The following DOCK3 variants were observed in gnomAD, a reference collection of about 807,000 sequenced individuals.
The protein encoded by DOCK3 is dedicator of cytokinesis 3, also known as dedicator of cytokinesis protein 3.
A neutral mutation model predicts 265.6 loss-of-function variants in DOCK3; 60 were observed. The ratio of observed to expected loss-of-function variants is 0.23; its 90% CI spans 0.18 to 0.28. The LOEUF is 0.28. Ranked by LOEUF, DOCK3 falls within the 10% of genes least tolerant of loss-of-function variation. The pLI is 1.00. For missense variants in DOCK3, 1,981 were observed against 2,594.3 expected (o/e 0.76, Z 5.14); for synonymous variants, 881 against 938.0 (o/e 0.94, Z 1.11).
chr3:50,760,654 G>C (rs1015901216), intron 1 of DOCK3, among the ~76,000 whole-genome samples: 1 of 152,132 alleles, frequency 6.6e-6, no homozygotes, highest in Non-Finnish European at 1.5e-5. Flanking sequence ...TTCAATTAAA[G>C]ATATTTTTAA....
intron 5 of DOCK3, among the ~76,000 whole-genome samples, chr3:50,961,470 AG>A (rs1432887745): frequency 1.3e-5 from 2 of 152,198 alleles, no homozygotes; most frequent in Non-Finnish European, 2.9e-5. Context: ...ACTTTTGAGT[AG>A]AGTCCTGAAG....
Position 51,181,149 on chromosome 3 carries a change from A to T in DOCK3, c.1037+20447A>T, listed in dbSNP as rs192985392. 3.3e-4 allele frequency among the ~76,000 whole-genome samples: 51 copies of T among 152,288 alleles called. 1 individual carries two copies. The highest frequency in any genetic ancestry group is 1.7e-3 in the East Asian group (9 of 5,190). On this transcript the variant is annotated intron_variant, in intron 12 of 52. Coordinates refer to ENST00000266037, the MANE Select transcript of DOCK3 (RefSeq NM_004947.5). ...AGAAGAAATAGCTTTAATTTTTTTT[A>T]AATTATACTTTAAGTTCTAGGGTAC...
intron 2 of DOCK3, among the ~76,000 whole-genome samples, chr3:50,826,992 G>C (rs553589007): frequency 6.6e-6 from 1 of 152,076 alleles, no homozygotes; most frequent in Non-Finnish European, 1.5e-5. Context: ...GTAAGGAGAC[G>C]GGCTTCCAGA....
At chr3:50,919,362 C>T (rs75767837) in intron 4 of DOCK3, among the ~76,000 whole-genome samples, 13,518 of 152,152 alleles carry the variant, frequency 0.089, 1,237 homozygotes, top group East Asian at 0.33. Flanking sequence ...GCCATTTTTA[C>T]GATATGATTC....
chr3:50,753,903 G>T (rs1311907483), intron 1 of DOCK3, among the ~76,000 whole-genome samples: 3 of 151,916 alleles, frequency 2.0e-5, no homozygotes, highest in Non-Finnish European at 2.9e-5. Flanking sequence ...AATGCTGCAG[G>T]CCAGCACTTT....
At chr3:50,977,745 A>G (rs1218024407) in intron 5 of DOCK3, among the ~76,000 whole-genome samples, 4 of 152,072 alleles carry the variant, frequency 2.6e-5, no homozygotes, top group South Asian at 4.1e-4. Flanking sequence ...GTGTTTTCCA[A>G]CTTGGTTCCA....
intron 27 of DOCK3, among the ~76,000 whole-genome samples, chr3:51,309,077 A>G (rs1474189119): frequency 6.6e-6 from 1 of 150,502 alleles, no homozygotes; most frequent in African/African-American, 2.5e-5. Context: ...GCGGGCGGGC[A>G]GAGACGCTCC....
chr3:50,998,404 G>A (rs2078356584), intron 5 of DOCK3, among the ~76,000 whole-genome samples: 1 of 152,138 alleles, frequency 6.6e-6, no homozygotes, highest in Non-Finnish European at 1.5e-5. Flanking sequence ...AAACTCTTCA[G>A]GTGATTCTGA....
chr3:50,921,575 T>C (rs1173166823), intron 4 of DOCK3, among the ~76,000 whole-genome samples: 1 of 152,216 alleles, frequency 6.6e-6, no homozygotes, highest in Non-Finnish European at 1.5e-5. Flanking sequence ...TCATTCTCCA[T>C]CCAGCTTTGT....
Position 51,073,937 on chromosome 3 carries a change from C to T in DOCK3, c.465-1419C>T, listed in dbSNP as rs144485782. On this transcript the variant is annotated intron_variant, in intron 6 of 52. Transcript: ENST00000266037. ...CAATCTTACTGCAATGTAATTTTATCAGATATTTTCCTATAAACAGGGTAT... is the reference window on the plus strand; with the variant it reads ...CAATCTTACTGCAATGTAATTTTATTAGATATTTTCCTATAAACAGGGTAT... Among the ~76,000 whole-genome samples the T allele has an allele frequency of 1.5e-3, 234 of 152,204 alleles. 2 individuals carry two copies. The highest frequency in any genetic ancestry group is 5.3e-3 in the African/African-American group (222 of 41,546).
chr3:50,675,316 G>C lies in DOCK3; in HGVS notation c.37+16G>C. 8.0e-7 allele frequency: 1 copy of C among 1,254,634 alleles called. No individual in the cohort carries two copies. The highest frequency in any genetic ancestry group is 1.0e-6 in the Non-Finnish European group (1 of 985,846). 77.7% of individuals were successfully genotyped at this position (1,254,634 alleles called of 1,614,324 possible). On this transcript the variant is annotated intron_variant, in intron 1 of 52. Transcript: ENST00000266037. This position sits in a 1 kb window ranked among gnomAD's most constrained non-coding sequence, Gnocchi z 6.1. The stretch of plus-strand genomic sequence containing the variant: ...TACGGCGTAGGTAGGTGAGGCTCAG[G>C]CCTGGCCGTGGCGGGGGTTCTGGGG...
At chr3:50,934,368 A>G (rs2051241109) in intron 5 of DOCK3, among the ~76,000 whole-genome samples, 1 of 152,172 alleles carries the variant, frequency 6.6e-6, no homozygotes, top group Admixed American at 6.5e-5. Context: ...TATAAAACAG[A>G]TATTTACAGA....
intron 12 of DOCK3, among the ~76,000 whole-genome samples, chr3:51,171,639 C>G (rs2086686236): frequency 6.6e-6 from 1 of 151,482 alleles, no homozygotes; most frequent in South Asian, 2.1e-4. Flanking sequence ...TGGCATGAAC[C>G]CGGGAGGCAG....
chr3:50,979,049 A>G (rs1476726420), intron 5 of DOCK3, among the ~76,000 whole-genome samples: 2 of 151,668 alleles, frequency 1.3e-5, no homozygotes, highest in African/African-American at 4.8e-5. Flanking sequence ...ACTGTCTGGC[A>G]CTCCCTAGTG....
At chr3:50,849,035 CTTT>C (rs908936849) in intron 3 of DOCK3, among the ~76,000 whole-genome samples, 1 of 151,290 alleles carries the variant, frequency 6.6e-6, no homozygotes, top group African/African-American at 2.4e-5. Context: ...GCTCAAAAAA[CTTT>C]TTTTTTCTTT....
chr3:51,378,949 G>A (rs144417637), intron 51 of DOCK3, among the ~76,000 whole-genome samples: 127 of 152,312 alleles, frequency 8.3e-4, no homozygotes, highest in Non-Finnish European at 1.1e-3. Flanking sequence ...CCCTCCTCCT[G>A]TTAGGAAGCA....
At chr3:50,742,049 G>C (rs1444520932) in intron 1 of DOCK3, among the ~76,000 whole-genome samples, 2 of 152,036 alleles carry the variant, frequency 1.3e-5, no homozygotes, top group Non-Finnish European at 2.9e-5. Flanking sequence ...TTTTTCATGT[G>C]TTTTTTGGCT....
chr3:50,795,353 T>C (rs1371728935), intron 2 of DOCK3, among the ~76,000 whole-genome samples: 1 of 152,158 alleles, frequency 6.6e-6, no homozygotes, highest in East Asian at 1.9e-4. Context: ...CCCTGTCTCT[T>C]TCAGGGACAC....
Position 51,016,642 on chromosome 3 carries a change from TA to T in DOCK3, c.316-47805del, listed in dbSNP as rs1212317520. Among the ~76,000 whole-genome samples, 5 of 15,232 alleles carry T rather than the reference TA, an allele frequency of 3.3e-4. 1 individual carries two copies. The highest frequency in any genetic ancestry group is 6.1e-4 in the African/African-American group (1 of 1,646). The allele number at this position is 15,232 out of a possible 152,430, so 10.0% of individuals were successfully genotyped here. ...TTATATATATAATATATATGATATA[TA>T]TTTATATGTTTATATATATTATATG... On this transcript the variant is annotated intron_variant, in intron 5 of 52. Transcript: ENST00000266037.
Sources: allele counts gnomAD v4.1 joint callset (sites outside exome capture counted in the v4.1 genomes callset), GRCh38; gene constraint gnomAD v4.1.1; non-coding constraint Gnocchi (gnomAD v3.1); transcripts MANE v1.5; gene names NCBI Gene and HGNC (gene_info 2026-07-23, HGNC 2026-07-21).